EDA2R: variants seen among roughly 807,000 people sequenced by gnomAD.
EDA2R encodes tumor necrosis factor receptor superfamily member 27.
A neutral mutation model predicts 20.1 loss-of-function variants in EDA2R; 26 were observed. That is an observed-to-expected ratio of 1.30 (90% CI 0.95 to 1.80). EDA2R has a LOEUF of 1.80. Ranked by LOEUF, EDA2R falls within the 40% of genes most tolerant of loss-of-function variation. The probability of loss-of-function intolerance (pLI) is 0.00; values close to 1 mark genes in which losing one functional copy is unlikely to be tolerated. For missense variants in EDA2R, 277 were observed against 228.7 expected, an observed-to-expected ratio of 1.21 and a Z score of -1.36; for synonymous variants, 114 against 88.7, an observed-to-expected ratio of 1.29 and a Z score of -1.60.
rs147357359 is a variant in EDA2R at position 66,627,685 on chromosome X, C to T, written c.-11+11310G>A. Among the ~76,000 whole-genome samples the T allele has an allele frequency of 4.9e-4, 55 of 111,585 alleles. 1 individual carries two copies. In the East Asian group the frequency reaches 0.016, roughly 31 times the overall value. On this transcript the variant is annotated intron_variant, in intron 1 of 6. Transcript: ENST00000374719. ...ACAGACAGCAACACAATAATAGTGG[C>T]GAACTTCAATATTCTACTGACAGCA...
chrX:66,600,047 A>G (rs1028653410), intron 5 of EDA2R, 187 bp from the exon 6 acceptor site: 2 of 1,160,449 alleles, frequency 1.7e-6, no homozygotes, highest in African/African-American at 3.6e-5. Flanking sequence ...ACATTCAGGT[A>G]TCAGATTGAG....
chrX:66,615,783 C>A, intron 2 of EDA2R, 151 bp downstream of exon 2: 1 of 453,341 alleles, frequency 2.2e-6, no homozygotes, highest in Middle Eastern at 4.1e-4. Flanking sequence ...GGAATCATGA[C>A]TGCTATTGCA....
chrX:66,618,380 A>C (rs1462094004), intron 1 of EDA2R, among the ~76,000 whole-genome samples: 5 of 112,313 alleles, frequency 4.5e-5, no homozygotes, highest in African/African-American at 1.6e-4. Context: ...GTCAGACCTT[A>C]TATGAATTTT....
intron 2 of EDA2R, among the ~76,000 whole-genome samples, chrX:66,610,982 C>T (rs1422460137): frequency 9.0e-6 from 1 of 111,132 alleles, no homozygotes; most frequent in African/African-American, 3.3e-5. Flanking sequence ...CAAGTGGTAT[C>T]CTACTAATAA....
intron 2 of EDA2R, among the ~76,000 whole-genome samples, chrX:66,612,589 A>G (rs1248543878): frequency 9.0e-6 from 1 of 111,431 alleles, no homozygotes; most frequent in African/African-American, 3.3e-5. Context: ...AATCCTAAAT[A>G]AAATGTTCAT....
At chrX:66,622,559 A>G (rs1461766400) in intron 1 of EDA2R, among the ~76,000 whole-genome samples, 1 of 111,729 alleles carries the variant, frequency 9.0e-6, no homozygotes, top group Non-Finnish European at 1.9e-5. Context: ...AACGATGAAG[A>G]AGACAGCAGA....
At chrX:66,631,003 G>A (rs1056775719) in intron 1 of EDA2R, among the ~76,000 whole-genome samples, 10 of 108,550 alleles carry the variant, frequency 9.2e-5, no homozygotes, top group South Asian at 7.7e-4. Flanking sequence ...AAAAACACAC[G>A]TTTGTGTGTA....
chrX:66,628,103 A>T (rs1933294397), intron 1 of EDA2R, among the ~76,000 whole-genome samples: 1 of 111,597 alleles, frequency 9.0e-6, no homozygotes, highest in African/African-American at 3.3e-5. Context: ...TCAAATACAA[A>T]ATCAAGATGG....
At chrX:66,612,112 ATT>A (rs1222418153) in intron 2 of EDA2R, among the ~76,000 whole-genome samples, 96 of 111,766 alleles carry the variant, frequency 8.6e-4, no homozygotes, top group African/African-American at 2.8e-3. Flanking sequence ...ACATAAAAAC[ATT>A]CTCAGGCAAA....
chrX:66,635,688 A>G (rs761411500), intron 1 of EDA2R, among the ~76,000 whole-genome samples: 5 of 112,160 alleles, frequency 4.5e-5, no homozygotes, highest in Non-Finnish European at 9.4e-5. Context: ...ATGAAAAGCC[A>G]TACTGAACTT....
At chrX:66,615,093 G>C (rs1388256485) in intron 2 of EDA2R, among the ~76,000 whole-genome samples, 1 of 111,258 alleles carries the variant, frequency 9.0e-6, no homozygotes, top group Admixed American at 9.6e-5. Context: ...TTCATATCCA[G>C]ATTCTTCATT....
At chrX:66,616,230 G>A (rs866827375) in intron 1 of EDA2R, among the ~76,000 whole-genome samples, 200 bp from the exon 2 acceptor site, 1 of 112,621 alleles carries the variant, frequency 8.9e-6, no homozygotes, top group Middle Eastern at 4.6e-3. Flanking sequence ...TTTGCATGTA[G>A]TAACTCATTC....
chrX:66,610,232 C>A (rs1001322592), intron 2 of EDA2R, among the ~76,000 whole-genome samples: 2 of 105,328 alleles, frequency 1.9e-5, no homozygotes, highest in Non-Finnish European at 3.9e-5. Flanking sequence ...ACACAAACAG[C>A]TCTTATTTAG....
intron 2 of EDA2R, among the ~76,000 whole-genome samples, chrX:66,612,724 T>C (rs1191591211): frequency 8.9e-6 from 1 of 111,750 alleles, no homozygotes; most frequent in African/African-American, 3.2e-5. Context: ...ACATAAATGT[T>C]CTAAGTAAGC....
At chrX:66,612,249 CAGGA>C (rs1170294315) in intron 2 of EDA2R, among the ~76,000 whole-genome samples, 1 of 111,053 alleles carries the variant, frequency 9.0e-6, no homozygotes, top group Non-Finnish European at 1.9e-5. Context: ...CTTGGAGCAT[CAGGA>C]AGGAAGGAAC....
intron 1 of EDA2R, among the ~76,000 whole-genome samples, chrX:66,637,675 T>A (rs963792117): frequency 3.5e-4 from 39 of 112,654 alleles, no homozygotes; most frequent in African/African-American, 1.2e-3. Context: ...TCTCCACCTG[T>A]TGAAATCTTA....
At position 66,599,834 on chromosome X, in the gene EDA2R, T is replaced by C. The variant is rs771094118; in HGVS notation, c.544A>G (p.Lys182Glu). The C allele has an allele frequency of 1.7e-6, 2 of 1,205,334 alleles. No individual in the cohort carries two copies. The highest frequency in any genetic ancestry group is 2.2e-6 in the Non-Finnish European group (2 of 893,250). The change falls in exon 6 of 7, where the codon AAA becomes GAA. Residue 182 changes from lysine to glutamate, a missense_variant. Transcript: ENST00000374719. ...AAGAGAGATTCCTCCTTTGCTGTTT[T>C]ATCAGCCTCAAACTGCAGCAAACCT... ...RGGLLQFEAD[K>E]TAKEESLFPV...
intron 2 of EDA2R, among the ~76,000 whole-genome samples, chrX:66,614,421 T>A (rs954844237): frequency 1.1e-4 from 12 of 112,250 alleles, no homozygotes; most frequent in Non-Finnish European, 3.8e-5. Context: ...ACTTACTACA[T>A]CCTAATTGAT....
chrX:66,605,209 C>T lies in EDA2R; in HGVS notation c.105G>A (p.Glu35=). 1 of 1,206,878 alleles carries T rather than the reference C, an allele frequency of 8.3e-7. No individual in the cohort carries two copies. Among genetic ancestry groups the T allele is most frequent in the Non-Finnish European group, 1.1e-6 (1 of 893,211 alleles). ...AGGCTGTGCAGTAGGCATCTCCACC[C>T]TCTCCATAACCACAATCCTGTAGAC... ...QELSKDCGYG[E]GGDAYCTACP... Residue 35 remains glutamate, a synonymous_variant, in exon 3 of 7, where the codon GAG becomes GAA. Coordinates refer to ENST00000374719, the MANE Select transcript of EDA2R (RefSeq NM_021783.5).
Sources: allele counts gnomAD v4.1 joint callset (sites outside exome capture counted in the v4.1 genomes callset), GRCh38; gene constraint gnomAD v4.1.1; transcripts MANE v1.5; gene names NCBI Gene and HGNC (gene_info 2026-07-23, HGNC 2026-07-21).